Variants in FAM227B observed in about 807,000 individuals in gnomAD.
The protein encoded by FAM227B is family with sequence similarity 227 member B, also known as protein FAM227B.
FAM227B carries 88 observed loss-of-function variants against 73.8 expected under a neutral mutation model. That is an observed-to-expected ratio of 1.19 (90% CI 1.00 to 1.42). FAM227B has a LOEUF of 1.42. Ranked by LOEUF, FAM227B falls within the 40% of genes most tolerant of loss-of-function variation. The pLI is 0.00. For missense variants in FAM227B, 632 were observed against 590.9 expected (o/e 1.07, Z -0.72); for synonymous variants, 210 against 190.5 (o/e 1.10, Z -0.84).
At chr15:49,457,298 GA>G (rs556272467) in intron 11 of FAM227B, among the ~76,000 whole-genome samples, 2 of 151,838 alleles carry the variant, frequency 1.3e-5, no homozygotes, top group South Asian at 2.1e-4. Context: ...AATAGAAATG[GA>G]AAAAAATCAA....
Position 49,494,284 on chromosome 15 carries a change from C to CACACAT in FAM227B, c.1012+13926_1012+13927insATGTGT, listed in dbSNP as rs1555506862. On this transcript the variant is annotated intron_variant, in intron 11 of 15. Coordinates refer to ENST00000299338, the MANE Select transcript of FAM227B (RefSeq NM_152647.3). Reference sequence around the variant, plus strand: ...ACACACACACACACACACACACACACACACACCCTAAACATAGAGTCAGCA... The same window carrying CACACAT: ...ACACACACACACACACACACACACACACACATACACACCCTAAACATAGAGTCAGCA... Among the ~76,000 whole-genome samples the CACACAT allele has an allele frequency of 2.8e-3, 418 of 151,346 alleles. 3 individuals are homozygous for CACACAT. Among genetic ancestry groups the CACACAT allele is most frequent in the East Asian group, 0.017 (89 of 5,134 alleles).
intron 10 of FAM227B, among the ~76,000 whole-genome samples, chr15:49,535,555 C>A (rs576759794): frequency 1.3e-5 from 2 of 151,882 alleles, no homozygotes; most frequent in South Asian, 4.1e-4. Context: ...AGAATACTCC[C>A]AAACACACTT....
At chr15:49,407,167 G>T (rs547035559) in intron 11 of FAM227B, among the ~76,000 whole-genome samples, 5 of 152,252 alleles carry the variant, frequency 3.3e-5, no homozygotes, top group Non-Finnish European at 7.4e-5. Flanking sequence ...AAACCCTCTG[G>T]GCTCCACATC....
chr15:49,511,300 T>G (rs1450796582), intron 10 of FAM227B, among the ~76,000 whole-genome samples: 1 of 151,664 alleles, frequency 6.6e-6, no homozygotes. Flanking sequence ...TTAAAGGCCA[T>G]AAATTACCTT....
intron 11 of FAM227B, among the ~76,000 whole-genome samples, chr15:49,475,549 T>C (rs2055182435): frequency 6.6e-6 from 1 of 152,208 alleles, no homozygotes; most frequent in South Asian, 2.1e-4. Context: ...AAATAAAATA[T>C]ACAGATTAGC....
chr15:49,358,600 A>G (rs1365213335), intron 13 of FAM227B, among the ~76,000 whole-genome samples: 1 of 149,438 alleles, frequency 6.7e-6, no homozygotes, highest in Non-Finnish European at 1.5e-5. Context: ...ATACAAACAA[A>G]TGGAAGAACA....
chr15:49,337,298 C>T (rs1271111085), intron 13 of FAM227B, among the ~76,000 whole-genome samples: 4 of 152,134 alleles, frequency 2.6e-5, no homozygotes, highest in Non-Finnish European at 4.4e-5. Flanking sequence ...AACTAATTTA[C>T]GTTCCCACCA....
At chr15:49,502,611 C>T (rs918698256) in intron 11 of FAM227B, among the ~76,000 whole-genome samples, 8 of 152,104 alleles carry the variant, frequency 5.3e-5, no homozygotes, top group African/African-American at 1.9e-4. Flanking sequence ...GGCTCATAGG[C>T]GGAAGAGACT....
intron 11 of FAM227B, among the ~76,000 whole-genome samples, chr15:49,372,417 A>G (rs2045906183): frequency 6.6e-6 from 1 of 152,196 alleles, no homozygotes; most frequent in Admixed American, 6.5e-5. Context: ...TTTACTAAGT[A>G]GTAGAAGGAG....
At chr15:49,442,437 C>T (rs12439429) in intron 11 of FAM227B, among the ~76,000 whole-genome samples, 77,237 of 151,436 alleles carry the variant, frequency 0.51, 20,421 homozygotes, top group Middle Eastern at 0.63. Context: ...AGTATACAAA[C>T]ATAAGGCATT....
chr15:49,387,604 A>C (rs551410964), intron 11 of FAM227B, among the ~76,000 whole-genome samples: 1 of 151,950 alleles, frequency 6.6e-6, no homozygotes, highest in Admixed American at 6.6e-5. Flanking sequence ...ACTCCTGTTC[A>C]ACATAGTTCT....
At chr15:49,554,830 T>TG (rs1437685534) in intron 9 of FAM227B, among the ~76,000 whole-genome samples, 1 of 151,922 alleles carries the variant, frequency 6.6e-6, no homozygotes, top group Non-Finnish European at 1.5e-5. Flanking sequence ...GGTGTTCTTG[T>TG]GGGGGGACAA....
In FAM227B at chr15:49,496,565, A is replaced by C. The variant is rs748855486; in HGVS notation, c.1012+11646T>G. On this transcript the variant is annotated intron_variant, in intron 11 of 15. Transcript: ENST00000299338. Reference sequence around the variant, plus strand: ...AGATACTGAAATTCTATAACTGCTTACATTCCAGTCCTAAAAAGGGAGATA... The same window carrying C: ...AGATACTGAAATTCTATAACTGCTTCCATTCCAGTCCTAAAAAGGGAGATA... 5.1e-4 allele frequency among the ~76,000 whole-genome samples: 78 copies of C among 152,236 alleles called. 1 individual carries two copies. Among genetic ancestry groups the C allele is most frequent in the Non-Finnish European group, 9.7e-4 (66 of 68,032 alleles).
At chr15:49,592,571 G>T (rs1228489092) in intron 3 of FAM227B, among the ~76,000 whole-genome samples, 1 of 152,194 alleles carries the variant, frequency 6.6e-6, no homozygotes. Context: ...TCGTCCCACA[G>T]TTGCACTTGC....
At chr15:49,449,541 G>C (rs977414368) in intron 11 of FAM227B, among the ~76,000 whole-genome samples, 3 of 151,858 alleles carry the variant, frequency 2.0e-5, no homozygotes, top group Non-Finnish European at 4.4e-5. Context: ...GCACAGGGTG[G>C]GGCCAGAATC....
intron 11 of FAM227B, among the ~76,000 whole-genome samples, chr15:49,464,283 G>T (rs35240887): frequency 0.11 from 16,265 of 152,112 alleles, 1,237 homozygotes; most frequent in East Asian, 0.36. Context: ...CCCACCTCTA[G>T]TCTATCATGT....
intron 15 of FAM227B, chr15:49,330,431 T>A (rs575750370): frequency 1.3e-5 from 2 of 152,272 alleles, no homozygotes; most frequent in Admixed American, 6.5e-5. Context: ...ACAAGCAGTA[T>A]CAGATATTCT....
intron 3 of FAM227B, among the ~76,000 whole-genome samples, chr15:49,607,255 GAA>G (rs1177450443): frequency 6.6e-6 from 1 of 151,896 alleles, no homozygotes; most frequent in South Asian, 2.1e-4. Flanking sequence ...CTGTCATTTT[GAA>G]AAAAAGAGTG....
At chr15:49,585,168 A>G (rs1377455718) in intron 5 of FAM227B, among the ~76,000 whole-genome samples, 12 of 152,130 alleles carry the variant, frequency 7.9e-5, no homozygotes, top group East Asian at 3.9e-4. Context: ...TTAGAATGGC[A>G]ATCATTAAAA....
Sources: gnomAD v4.1 joint callset for allele counts (sites outside exome capture counted in the v4.1 genomes callset) on GRCh38, gnomAD v4.1.1 for gene constraint, MANE v1.5 for transcripts, NCBI Gene and HGNC (gene_info 2026-07-23, HGNC 2026-07-21) for gene names.